The following SIPA1L1 variants were observed in gnomAD, a reference collection of about 807,000 sequenced individuals.
The protein encoded by SIPA1L1 is signal induced proliferation associated 1 like 1, also known as signal-induced proliferation-associated 1-like protein 1.
SIPA1L1 carries 26 observed loss-of-function variants against 162.7 expected under a neutral mutation model. The ratio of observed to expected loss-of-function variants is 0.16; its 90% CI spans 0.12 to 0.22. The LOEUF is 0.22. Among genes scored for constraint, SIPA1L1 ranks in the 10% least tolerant of loss-of-function variants. The probability of loss-of-function intolerance (pLI) is 1.00; values close to 1 mark genes in which losing one functional copy is unlikely to be tolerated. For synonymous variants in SIPA1L1, 829 were observed against 837.4 expected (o/e 0.99, Z 0.17); for missense variants, 1,874 against 2,241.0 (o/e 0.84, Z 3.31).
chr14:71,614,210 G>A (rs1402227890), intron 5 of SIPA1L1, among the ~76,000 whole-genome samples: 5 of 149,094 alleles, frequency 3.4e-5, no homozygotes, highest in South Asian at 2.1e-4. Flanking sequence ...AGAGCAAGAC[G>A]CTGTCTCCAA....
intron 1 of SIPA1L1, among the ~76,000 whole-genome samples, chr14:71,320,708 C>CA: frequency 6.6e-6 from 1 of 150,750 alleles, no homozygotes; most frequent in South Asian, 2.1e-4. Context: ...CCTCATCCCC[C>CA]CCCCGGCAAC....
intron 4 of SIPA1L1, among the ~76,000 whole-genome samples, chr14:71,545,514 A>G (rs916072256): frequency 2.6e-5 from 4 of 152,026 alleles, no homozygotes; most frequent in African/African-American, 9.7e-5. Context: ...AGACATAACA[A>G]TTGCTGTTTG....
chr14:71,395,210 T>C (rs984340163), intron 2 of SIPA1L1, among the ~76,000 whole-genome samples: 1 of 152,182 alleles, frequency 6.6e-6, no homozygotes, highest in Non-Finnish European at 1.5e-5. Flanking sequence ...TTTTGGCAAG[T>C]GTGAAATTGT....
intron 2 of SIPA1L1, among the ~76,000 whole-genome samples, chr14:71,398,822 A>T (rs1373008410): frequency 6.6e-6 from 1 of 152,196 alleles, no homozygotes; most frequent in Non-Finnish European, 1.5e-5. Context: ...GCTTTTACAT[A>T]TCTTTCTCTG....
chr14:71,679,321 A>G (rs995899907), intron 12 of SIPA1L1, among the ~76,000 whole-genome samples: 5 of 152,298 alleles, frequency 3.3e-5, no homozygotes, highest in African/African-American at 1.2e-4. Flanking sequence ...AGAATTTCAT[A>G]TCCAGCCAAA....
chr14:71,613,882 T>C (rs1242218885), intron 5 of SIPA1L1, among the ~76,000 whole-genome samples: 1 of 151,142 alleles, frequency 6.6e-6, no homozygotes, highest in African/African-American at 2.4e-5. Flanking sequence ...AGGAGGAGAC[T>C]GCAGTCCAGT....
At chr14:71,390,960 ATATG>A (rs2040696794) in intron 2 of SIPA1L1, among the ~76,000 whole-genome samples, 2 of 152,078 alleles carry the variant, frequency 1.3e-5, no homozygotes, top group African/African-American at 4.8e-5. Flanking sequence ...ATTTTTAAAT[ATATG>A]TATCTAATTC....
chr14:71,641,580 G>A (rs2041720553), intron 7 of SIPA1L1, among the ~76,000 whole-genome samples: 1 of 152,150 alleles, frequency 6.6e-6, no homozygotes, highest in African/African-American at 2.4e-5. Context: ...AAAATTAGCT[G>A]GGTGTGGTGG....
At chr14:71,703,463 A>G (rs776148871) in intron 15 of SIPA1L1, among the ~76,000 whole-genome samples, 20 of 152,314 alleles carry the variant, frequency 1.3e-4, no homozygotes, top group Middle Eastern at 3.4e-3. Flanking sequence ...AGGAAGAGAA[A>G]TGGAGTTCCT....
At position 71,572,099 on chromosome 14, in the gene SIPA1L1, T is replaced by C. The variant is rs993236652; in HGVS notation, c.-302-15472T>C. 5.9e-5 allele frequency among the ~76,000 whole-genome samples: 9 copies of C among 152,276 alleles called. No homozygotes were observed. In the East Asian group the frequency reaches 7.7e-4, roughly 13 times the overall value. ...TGAGGGGCTGAGCCTCCTAACTTGC[T>C]AGCTCAGGTCTCTCTTCCTCTTCTT... On this transcript the variant is annotated intron_variant, in intron 4 of 23. Transcript: ENST00000381232.
intron 2 of SIPA1L1, among the ~76,000 whole-genome samples, chr14:71,502,256 ATAT>A (rs1481435681): frequency 1.7e-5 from 1 of 59,656 alleles, no homozygotes; most frequent in African/African-American, 6.1e-5. Context: ...AAAAAAAAAA[ATAT>A]ATATATATAT....
At chr14:71,670,971 T>G in intron 10 of SIPA1L1, 148 bp from the exon 11 acceptor site, 1 of 685,742 alleles carries the variant, frequency 1.5e-6, no homozygotes, top group Non-Finnish European at 2.5e-6. Context: ...ATACTCGTAT[T>G]AAGCAGAAAT....
intron 2 of SIPA1L1, among the ~76,000 whole-genome samples, chr14:71,389,746 G>C (rs2040599373): frequency 1.3e-5 from 2 of 152,096 alleles, no homozygotes; most frequent in African/African-American, 4.8e-5. Context: ...GTAGGTAATG[G>C]GTCTTTGTGT....
At chr14:71,327,509 C>T (rs1363550551) in intron 2 of SIPA1L1, among the ~76,000 whole-genome samples, 2 of 152,164 alleles carry the variant, frequency 1.3e-5, no homozygotes, top group African/African-American at 4.8e-5. Flanking sequence ...AGAGAGTCTG[C>T]TTATTAGGAG....
At chr14:71,568,507 C>T (rs1442391990) in intron 4 of SIPA1L1, among the ~76,000 whole-genome samples, 1 of 150,048 alleles carries the variant, frequency 6.7e-6, no homozygotes. Flanking sequence ...TCAGAGGTCT[C>T]CTTAGCATAG....
At chr14:71,470,307 G>A (rs1237291170) in intron 2 of SIPA1L1, among the ~76,000 whole-genome samples, 2 of 152,152 alleles carry the variant, frequency 1.3e-5, no homozygotes, top group Non-Finnish European at 2.9e-5. Flanking sequence ...AGCAAAGTTA[G>A]CAGCAATAGC....
chr14:71,375,293 A>G (rs1245261273), intron 2 of SIPA1L1, among the ~76,000 whole-genome samples: 2 of 151,952 alleles, frequency 1.3e-5, no homozygotes, highest in Non-Finnish European at 2.9e-5. Context: ...ATCTTTCTTT[A>G]TTTTCCCATT....
chr14:71,361,435 AGT>A (rs1399080035), intron 2 of SIPA1L1, among the ~76,000 whole-genome samples: 3 of 152,182 alleles, frequency 2.0e-5, no homozygotes, highest in South Asian at 2.1e-4. Flanking sequence ...ATTTACAAAT[AGT>A]GTGTGTGTAT....
At position 71,665,372 on chromosome 14, in the gene SIPA1L1, G is replaced by T. The variant is rs567739802; in HGVS notation, c.2255+3905G>T. Among the ~76,000 whole-genome samples, 3 of 152,174 alleles carry T rather than the reference G, an allele frequency of 2.0e-5. No homozygotes were observed. In the South Asian group the frequency reaches 6.2e-4, roughly 32 times the overall value. On this transcript the variant is annotated intron_variant, in intron 10 of 23. Coordinates refer to ENST00000381232, the MANE Select transcript of SIPA1L1 (RefSeq NM_001386936.1). ...TGACTAATTCAGACTAATTCCAGAG[G>T]CCAGTTAATGTGAGTCATCATGTAG...
Sources: gnomAD v4.1 joint callset for allele counts (sites outside exome capture counted in the v4.1 genomes callset) on GRCh38, gnomAD v4.1.1 for gene constraint, MANE v1.5 for transcripts, NCBI Gene and HGNC (gene_info 2026-07-23, HGNC 2026-07-21) for gene names.